Variants in FHDC1 observed in about 807,000 individuals in gnomAD.
The protein encoded by FHDC1 is FH2 domain-containing protein 1.
Under a neutral mutation model 52.6 loss-of-function variants are expected in FHDC1, and 25 were observed. The ratio of observed to expected loss-of-function variants is 0.48; its 90% CI spans 0.35 to 0.66. The LOEUF is 0.66. FHDC1 is among the 30% of genes least tolerant of loss of function. The pLI, the probability that FHDC1 is intolerant of heterozygous loss-of-function variation, is 0.01. For synonymous variants in FHDC1, 616 were observed against 581.5 expected (o/e 1.06, Z -0.85); for missense variants, 1,459 against 1,452.8 (o/e 1.00, Z -0.07).
Position 152,975,324 on chromosome 4 carries a change from G to T in FHDC1, c.2033G>T (p.Gly678Val). 6.2e-7 allele frequency: 1 copy of T among 1,613,638 alleles called. No individual in the cohort carries two copies. The highest frequency in any genetic ancestry group is 8.5e-7 in the Non-Finnish European group (1 of 1,180,030). ...ATTAAGGAGCATGAGCTGGTGACAG[G>T]GCTGGCCCAGTTCAACCTCCAGGGT... is the stretch of plus-strand genomic sequence containing the variant. The part of the protein sequence containing the change: ...LGIKEHELVT[G>V]LAQFNLQGSQ... Residue 678 changes from glycine (G) to valine (V), a missense_variant, in exon 12 of 12, where the codon GGG becomes GTG. Coordinates refer to ENST00000511601, the MANE Select transcript of FHDC1 (RefSeq NM_001371116.1).
At chr4:152,954,125 G>T in intron 3 of FHDC1, 92 bp from the exon 4 acceptor site, 2 of 1,054,478 alleles carry the variant, frequency 1.9e-6, no homozygotes, top group Non-Finnish European at 1.4e-6. Flanking sequence ...TGGGTGGGAA[G>T]GAGGGTGGAG....
the FHDC1 span, chr4:152,927,449 G>A: frequency 1.2e-6 from 1 of 803,562 alleles, no homozygotes; most frequent in Admixed American, 1.7e-5. Context: ...TTTCGTTATG[G>A]ATGGAGGGGA....
chr4:152,928,384 C>T, the FHDC1 span, among the ~76,000 whole-genome samples: 4 of 152,260 alleles, frequency 2.6e-5, no homozygotes, highest in South Asian at 2.1e-4. Context: ...TGGCCTGAAT[C>T]GTGTTTGGTT....
intron 10 of FHDC1, among the ~76,000 whole-genome samples, chr4:152,971,588 A>G (rs1201491710): frequency 6.6e-6 from 1 of 152,246 alleles, no homozygotes; most frequent in Admixed American, 6.5e-5. Context: ...GTGTTGAGGC[A>G]GTACCAGAAT....
the FHDC1 span, chr4:152,927,626 C>A: frequency 6.2e-7 from 1 of 1,605,048 alleles, no homozygotes; most frequent in Admixed American, 1.7e-5. Context: ...GCTACAGGAA[C>A]AGAAGGACAG....
the FHDC1 span, among the ~76,000 whole-genome samples, chr4:152,923,744 C>T: frequency 1.3e-5 from 2 of 152,000 alleles, no homozygotes; most frequent in Admixed American, 1.3e-4. Context: ...CTGAGAAAAA[C>T]AAGCAATGGG....
At chr4:152,960,885 A>C in intron 6 of FHDC1, 41 bp downstream of exon 6, 1 of 1,444,098 alleles carries the variant, frequency 6.9e-7, no homozygotes, top group Non-Finnish European at 9.4e-7. Context: ...TGTTTTTATT[A>C]ATTTCGATAG....
In FHDC1 at chr4:152,953,477, G is replaced by A. The variant is rs755412476; in HGVS notation, c.499-22G>A. 7 of 1,594,212 alleles carry A rather than the reference G, an allele frequency of 4.4e-6. No homozygotes were observed. The African/African-American group carries it at 5.4e-5, about 12-fold the overall frequency. On this transcript the variant is annotated intron_variant, in intron 2 of 11. Coordinates refer to ENST00000511601, the MANE Select transcript of FHDC1 (RefSeq NM_001371116.1). ...TTTTATTTGAATTTAGTAATCCTAT[G>A]TGTCCTTATTTTTTTTTCCAGATTA... is the stretch of plus-strand genomic sequence containing the variant.
intron 2 of FHDC1, 30 bp downstream of exon 2, chr4:152,943,585 C>T (rs1561202725): frequency 1.3e-6 from 2 of 1,583,516 alleles, no homozygotes; most frequent in Non-Finnish European, 1.7e-6. Flanking sequence ...GGCTAATCCT[C>T]CACACACTGC....
chr4:152,974,032 C>T (rs752309420), intron 11 of FHDC1, among the ~76,000 whole-genome samples: 4 of 152,210 alleles, frequency 2.6e-5, no homozygotes, highest in Admixed American at 6.5e-5. Flanking sequence ...CACCATGCCA[C>T]GTGTGGTGTT....
the FHDC1 span, among the ~76,000 whole-genome samples, chr4:152,930,693 C>T: frequency 6.6e-6 from 1 of 152,148 alleles, no homozygotes; most frequent in African/African-American, 2.4e-5. Flanking sequence ...TTAATTATTT[C>T]TATAAATCTG....
At chr4:152,925,171 T>A in the FHDC1 span, among the ~76,000 whole-genome samples, 1 of 152,188 alleles carries the variant, frequency 6.6e-6, no homozygotes, top group Non-Finnish European at 1.5e-5. Flanking sequence ...GCATTTGACT[T>A]AAAGTCTCTA....
intron 2 of FHDC1, among the ~76,000 whole-genome samples, chr4:152,947,524 A>G (rs1739771227): frequency 6.6e-6 from 1 of 152,112 alleles, no homozygotes; most frequent in Non-Finnish European, 1.5e-5. Context: ...GTGTTAGCTG[A>G]GGGTGTGCGT....
chr4:152,974,917 C>T lies in FHDC1; in HGVS notation c.1626C>T (p.Ser542=), dbSNP rs1359634978. The change falls in exon 12 of 12, where the codon TCC becomes TCT. Residue 542 remains serine (S), a synonymous_variant. Coordinates refer to ENST00000511601, the MANE Select transcript of FHDC1 (RefSeq NM_001371116.1). ...CGAACACCCGCCGCTCCCGCCTCTC[C>T]CTGGGTCCCTCTGCTGACCGGGAGC... ...RPPNTRRSRL[S]LGPSADRELL... is the part of the protein sequence containing the mutation. 6.2e-7 allele frequency: 1 copy of T among 1,612,018 alleles called. No individual in the cohort carries two copies. Among genetic ancestry groups the T allele is most frequent in the African/African-American group, 1.3e-5 (1 of 74,910 alleles).
chr4:152,935,386 T>G (rs908903800), upstream of FHDC1, among the ~76,000 whole-genome samples: 2 of 152,122 alleles, frequency 1.3e-5, no homozygotes, highest in Non-Finnish European at 2.9e-5. Context: ...CAGTGGATTT[T>G]CGGTCAGCCG....
chr4:152,972,615 T>C, intron 11 of FHDC1, 74 bp downstream of exon 11: 1 of 1,504,266 alleles, frequency 6.6e-7, no homozygotes, highest in Non-Finnish European at 8.9e-7. Context: ...AGTCATCTGC[T>C]CACCACAGAA....
At position 152,976,365 on chromosome 4, in the gene FHDC1, TCCC is replaced by T. The variant is rs1193094338; in HGVS notation, c.3077_3079del (p.Pro1026del). The T allele has an allele frequency of 1.9e-6, 3 of 1,613,572 alleles. No homozygotes were observed. In the South Asian group the frequency reaches 3.3e-5, roughly 18 times the overall value. On this transcript the variant is annotated inframe_deletion, in exon 12 of 12. Transcript: ENST00000511601. Reference sequence around the variant, plus strand: ...CCCAAGACCCCGTCAGTGCCCAGCGTCCCCCACGAACTACCCCGTGTCCCGAGC... The same window carrying T: ...CCCAAGACCCCGTCAGTGCCCAGCGTCCACGAACTACCCCGTGTCCCGAGC...
chr4:152,964,335 C>T (rs768383062), intron 8 of FHDC1, among the ~76,000 whole-genome samples: 1 of 152,202 alleles, frequency 6.6e-6, no homozygotes. Flanking sequence ...GTTCCTTGCC[C>T]AGCAAGGGTC....
the FHDC1 span, chr4:152,927,882 A>G: frequency 3.5e-5 from 48 of 1,377,840 alleles, no homozygotes; most frequent in South Asian, 3.4e-4. Flanking sequence ...ACCAAGAACA[A>G]GTTCTCCCAG....
Sources: gnomAD v4.1 joint callset for allele counts (sites outside exome capture counted in the v4.1 genomes callset) on GRCh38, gnomAD v4.1.1 for gene constraint, MANE v1.5 for transcripts, NCBI Gene and HGNC (gene_info 2026-07-23, HGNC 2026-07-21) for gene names.